Variants in LYRM4 observed in about 807,000 individuals in gnomAD.
LYRM4 encodes LYR motif containing 4, also known as LYR motif-containing protein 4.
Under a neutral mutation model 11.7 loss-of-function variants are expected in LYRM4, and 9 were observed. That is an observed-to-expected ratio of 0.77 (90% CI 0.46 to 1.34). The LOEUF (loss-of-function observed/expected upper bound fraction) is 1.34, where lower values mean the gene tolerates loss of function less well. Ranked by LOEUF, LYRM4 falls within the 40% of genes most tolerant of loss-of-function variation. The pLI, the probability that LYRM4 is intolerant of heterozygous loss-of-function variation, is 0.00. For synonymous variants in LYRM4, 42 were observed against 40.4 expected (o/e 1.04, Z -0.15); for missense variants, 133 against 112.5 (o/e 1.18, Z -0.82).
rs1377065946 is a variant in LYRM4, at chr6:5,245,099, AAAAAAAAAAAAAAAATATATATATATAT to A, written c.86+15521_86+15548del. Among the ~76,000 whole-genome samples, 8 of 47,380 alleles carry A rather than the reference AAAAAAAAAAAAAAAATATATATATATAT, an allele frequency of 1.7e-4. 1 individual carries two copies. The highest frequency in any genetic ancestry group is 6.9e-4 in the African/African-American group (8 of 11,562). The allele number at this position is 47,380 out of a possible 152,430, so 31.1% of individuals were successfully genotyped here. A position where few individuals can be genotyped will look rare whatever the true frequency, so the allele number is the denominator to read the frequency against. ...TTTGCAGGAAGACCTTAAAAAAAAA[AAAAAAAAAAAAAAAATATATATATATAT>A]ATATATATATATATATATATATATA... On this transcript the variant is annotated intron_variant, in intron 1 of 2. Coordinates refer to ENST00000330636, the MANE Select transcript of LYRM4 (RefSeq NM_020408.6).
chr6:5,053,640 AAAGAAAG>A, the LYRM4 span, among the ~76,000 whole-genome samples: 2 of 141,856 alleles, frequency 1.4e-5, no homozygotes, highest in African/African-American at 6.2e-5. Flanking sequence ...GCAAAAAAAA[AAAGAAAG>A]AAAGAAAGAA....
At chr6:5,236,578 A>G (rs1043267739) in intron 1 of LYRM4, 1 of 152,292 alleles carries the variant, frequency 6.6e-6, no homozygotes. Context: ...CTTACAGTTT[A>G]TAAATTATTT....
chr6:5,157,092 A>G (rs1178119471), intron 2 of LYRM4, among the ~76,000 whole-genome samples: 1 of 152,344 alleles, frequency 6.6e-6, no homozygotes, highest in Admixed American at 6.5e-5. Context: ...TCAGTGAGTT[A>G]GTGAACCTAG....
intron 2 of LYRM4, among the ~76,000 whole-genome samples, chr6:5,139,975 C>T (rs1757316660): frequency 6.6e-6 from 1 of 151,268 alleles, no homozygotes; most frequent in South Asian, 2.1e-4. Context: ...GCAGCTGGGA[C>T]AAGCACACCA....
chr6:5,049,833 C>T, the LYRM4 span, among the ~76,000 whole-genome samples: 14 of 152,158 alleles, frequency 9.2e-5, no homozygotes, highest in Non-Finnish European at 1.3e-4. Flanking sequence ...CCATCCCTGG[C>T]TAATTTTTGT....
intron 2 of LYRM4, among the ~76,000 whole-genome samples, chr6:5,169,335 CA>C (rs1183233453): frequency 6.6e-6 from 1 of 152,098 alleles, no homozygotes; most frequent in Admixed American, 6.5e-5. Context: ...AGAATAAGAA[CA>C]AAAGGAAGGA....
intron 2 of LYRM4, among the ~76,000 whole-genome samples, chr6:5,159,443 T>G (rs897637858): frequency 6.6e-6 from 1 of 152,210 alleles, no homozygotes; most frequent in Non-Finnish European, 1.5e-5. Context: ...AGAGTGATCA[T>G]GCAGAAGAAG....
At chr6:5,077,453 C>T in the LYRM4 span, among the ~76,000 whole-genome samples, 2 of 152,132 alleles carry the variant, frequency 1.3e-5, no homozygotes, top group Non-Finnish European at 2.9e-5. Context: ...AGTGGGAGGT[C>T]GCCATCAGTC....
chr6:5,044,288 G>A, the LYRM4 span, among the ~76,000 whole-genome samples: 1 of 152,032 alleles, frequency 6.6e-6, no homozygotes, highest in Non-Finnish European at 1.5e-5. Context: ...ACACCACCAC[G>A]CCTGGTTAAT....
the LYRM4 span, among the ~76,000 whole-genome samples, chr6:5,073,782 G>A: frequency 6.6e-6 from 1 of 152,210 alleles, no homozygotes; most frequent in African/African-American, 2.4e-5. Context: ...GGGAGCGTTG[G>A]CAAGAGACCT....
At chr6:5,055,916 T>C in the LYRM4 span, among the ~76,000 whole-genome samples, 1 of 152,230 alleles carries the variant, frequency 6.6e-6, no homozygotes, top group Admixed American at 6.5e-5. The surrounding 1 kb of genome is among the most constrained non-coding windows in gnomAD (Gnocchi z 4.5). Flanking sequence ...TTCAAGTTTT[T>C]GGTCTTTGGA....
chr6:5,085,428 A>AACT, the LYRM4 span: 1 of 1,259,782 alleles, frequency 7.9e-7, no homozygotes, highest in Non-Finnish European at 1.1e-6. Flanking sequence ...CCGAGGAGTT[A>AACT]GTTAAGTCTC....
At chr6:5,108,066 T>C (rs1388682116), downstream of LYRM4, 1 of 152,076 alleles carries the variant, frequency 6.6e-6, no homozygotes, top group Non-Finnish European at 1.5e-5. Flanking sequence ...GGCTACACGT[T>C]ACATCTATTT....
At chr6:5,033,806 A>G in the LYRM4 span, 1 of 152,224 alleles carries the variant, frequency 6.6e-6, no homozygotes, top group Non-Finnish European at 1.5e-5. Flanking sequence ...TCTAGATTCC[A>G]TACCTGCAAA....
the LYRM4 span, among the ~76,000 whole-genome samples, chr6:5,093,394 G>A: frequency 6.6e-6 from 1 of 152,268 alleles, no homozygotes; most frequent in Non-Finnish European, 1.5e-5. Flanking sequence ...GGAGGGGGAT[G>A]GAACGCCTGC....
intron 1 of LYRM4, among the ~76,000 whole-genome samples, chr6:5,225,763 G>A (rs1439004244): frequency 1.3e-5 from 2 of 152,098 alleles, no homozygotes; most frequent in Non-Finnish European, 2.9e-5. Flanking sequence ...ATATTTTACT[G>A]GGCAAAATAT....
intron 2 of LYRM4, among the ~76,000 whole-genome samples, chr6:5,164,363 AC>A (rs1758945050): frequency 6.6e-6 from 1 of 152,232 alleles, no homozygotes; most frequent in South Asian, 2.1e-4. Context: ...CTTTATTCAA[AC>A]CATGAAAAAA....
the LYRM4 span, among the ~76,000 whole-genome samples, chr6:5,090,015 G>GACACACACAC: frequency 0.07 from 10,525 of 149,666 alleles, 376 homozygotes; most frequent in Middle Eastern, 0.11. The surrounding 1 kb of genome is among the most constrained non-coding windows in gnomAD (Gnocchi z 4.8). Flanking sequence ...CTGAAAGGAA[G>GACACACACAC]ACACACACAC....
downstream of LYRM4, chr6:5,104,677 GCTTT>G (rs1762607739): frequency 6.6e-6 from 1 of 152,150 alleles, no homozygotes; most frequent in Non-Finnish European, 1.5e-5. Context: ...TCGAGTCTGG[GCTTT>G]CTGTTTGAAG....
Sources: allele counts gnomAD v4.1 joint callset (sites outside exome capture counted in the v4.1 genomes callset), GRCh38; gene constraint gnomAD v4.1.1; non-coding constraint Gnocchi (gnomAD v3.1); transcripts MANE v1.5; gene names NCBI Gene and HGNC (gene_info 2026-07-23, HGNC 2026-07-21).